Variants in RNF150 observed in about 807,000 individuals in gnomAD.
The protein encoded by RNF150 is ring finger protein 150.
Under a neutral mutation model 39.3 loss-of-function variants are expected in RNF150, and 24 were observed. The observed-to-expected ratio is 0.61, with a 90% CI of 0.44 to 0.86. RNF150 has a LOEUF of 0.86. Ranked by LOEUF, RNF150 falls within the 40% of genes least tolerant of loss-of-function variation. The pLI is 0.00. For missense variants in RNF150, 502 were observed against 587.8 expected (o/e 0.85, Z 1.51); for synonymous variants, 255 against 227.3 (o/e 1.12, Z -1.10).
intron 1 of RNF150, among the ~76,000 whole-genome samples, chr4:141,158,717 T>C (rs1727459362): frequency 6.6e-6 from 1 of 152,166 alleles, no homozygotes. Context: ...ATAAGGTTCT[T>C]TCCTCAAAGT....
chr4:141,064,732 G>A (rs1157241678), intron 1 of RNF150, among the ~76,000 whole-genome samples: 1 of 152,188 alleles, frequency 6.6e-6, no homozygotes, highest in Non-Finnish European at 1.5e-5. Context: ...GCAGAAAAGG[G>A]AGGGGAGTAG....
chr4:141,109,526 A>G (rs913074583), intron 1 of RNF150, among the ~76,000 whole-genome samples: 1 of 152,108 alleles, frequency 6.6e-6, no homozygotes, highest in Admixed American at 6.6e-5. Flanking sequence ...ATCAGAGAAC[A>G]AATAAGGAAA....
At chr4:141,164,585 A>G (rs1441103881) in intron 1 of RNF150, among the ~76,000 whole-genome samples, 3 of 152,226 alleles carry the variant, frequency 2.0e-5, no homozygotes, top group African/African-American at 4.8e-5. Context: ...AAGGAAGCCC[A>G]TCAGACTAGC....
chr4:140,891,878 T>A (rs187984496), intron 6 of RNF150, among the ~76,000 whole-genome samples: 122 of 152,230 alleles, frequency 8.0e-4, no homozygotes, highest in Non-Finnish European at 1.2e-3. Context: ...GAACTGTGCA[T>A]ATGAGGGATC....
At chr4:140,874,999 A>G (rs1037241488) in intron 6 of RNF150, among the ~76,000 whole-genome samples, 1 of 152,130 alleles carries the variant, frequency 6.6e-6, no homozygotes, top group Non-Finnish European at 1.5e-5. Flanking sequence ...AATATTCTTA[A>G]TTAACTATGA....
chr4:141,099,956 C>A (rs1238686540), intron 1 of RNF150, among the ~76,000 whole-genome samples: 1 of 152,052 alleles, frequency 6.6e-6, no homozygotes, highest in Admixed American at 6.6e-5. Context: ...TGTGTGTGTA[C>A]CTGTCTCTGA....
intron 1 of RNF150, among the ~76,000 whole-genome samples, chr4:141,009,319 T>C (rs1734987357): frequency 6.6e-6 from 1 of 152,238 alleles, no homozygotes; most frequent in East Asian, 1.9e-4. Context: ...TATTCTCTTA[T>C]GCATAGAATA....
At chr4:141,088,747 A>G (rs1371486461) in intron 1 of RNF150, among the ~76,000 whole-genome samples, 47 of 151,928 alleles carry the variant, frequency 3.1e-4, no homozygotes, top group Admixed American at 3.0e-3. Flanking sequence ...AGGAAGGTAG[A>G]ACGGGGAGAA....
At chr4:141,156,753 A>AAAAC (rs1727408845) in intron 1 of RNF150, among the ~76,000 whole-genome samples, 1 of 151,224 alleles carries the variant, frequency 6.6e-6, no homozygotes, top group African/African-American at 2.4e-5. Flanking sequence ...AAAAAAAAAA[A>AAAAC]AAAATTAACC....
At chr4:140,916,369 A>T (rs1730829012) in intron 5 of RNF150, among the ~76,000 whole-genome samples, 1 of 152,238 alleles carries the variant, frequency 6.6e-6, no homozygotes, top group South Asian at 2.1e-4. Flanking sequence ...TGGAGCTGAA[A>T]ACCAAGGCAC....
At chr4:140,946,338 G>T (rs998993899) in intron 4 of RNF150, among the ~76,000 whole-genome samples, 4 of 152,122 alleles carry the variant, frequency 2.6e-5, no homozygotes, top group Non-Finnish European at 2.9e-5. Flanking sequence ...GGATTATTAA[G>T]CCATTCCTCT....
upstream of RNF150, among the ~76,000 whole-genome samples, chr4:141,137,879 G>C (rs1727050962): frequency 1.3e-5 from 2 of 152,120 alleles, 1 homozygote; most frequent in South Asian, 4.1e-4. Context: ...TTCTCCACCA[G>C]CCAGGCAGCC....
intron 1 of RNF150, among the ~76,000 whole-genome samples, chr4:141,097,918 T>C (rs1042768642): frequency 7.9e-5 from 12 of 152,154 alleles, no homozygotes; most frequent in African/African-American, 2.7e-4. Flanking sequence ...TCCTTGAGAT[T>C]TGAGACAAAT....
intron 5 of RNF150, among the ~76,000 whole-genome samples, chr4:140,918,611 G>C (rs1336871607): frequency 6.6e-6 from 1 of 151,898 alleles, no homozygotes; most frequent in Non-Finnish European, 1.5e-5. Flanking sequence ...GAGGTACAAG[G>C]AGGAGCTGGT....
intron 1 of RNF150, among the ~76,000 whole-genome samples, chr4:141,021,894 G>A (rs1354584207): frequency 3.3e-5 from 5 of 152,180 alleles, no homozygotes; most frequent in Non-Finnish European, 7.3e-5. Context: ...AACTTTTGTG[G>A]CAGTGTGCAG....
chr4:141,041,746 A>G (rs1007328548), intron 1 of RNF150, among the ~76,000 whole-genome samples: 8 of 152,110 alleles, frequency 5.3e-5, no homozygotes, highest in Non-Finnish European at 5.9e-5. Flanking sequence ...AATGTAAGAA[A>G]ATGTAAAATA....
intron 4 of RNF150, among the ~76,000 whole-genome samples, chr4:140,933,748 T>G (rs1731735674): frequency 6.6e-6 from 1 of 152,206 alleles, no homozygotes. Flanking sequence ...ATGGTGAACT[T>G]CACATCATTA....
intron 1 of RNF150, among the ~76,000 whole-genome samples, chr4:141,030,697 T>C (rs2110823291): frequency 6.6e-6 from 1 of 152,214 alleles, no homozygotes. Context: ...TTATACTAAA[T>C]AAGATAGTCA....
chr4:141,069,880 T>G lies in RNF150; in HGVS notation c.484+62445A>C, dbSNP rs1372723984. ...TTTGTAGTATTCTCTGATGGTAGTT[T>G]GTATTTGTGGGATCGGTGGTGATAT... On this transcript the variant is annotated intron_variant, in intron 1 of 6. Transcript: ENST00000515673. Among the ~76,000 whole-genome samples, 5 of 152,238 alleles carry G rather than the reference T, an allele frequency of 3.3e-5. 1 individual carries two copies. Among genetic ancestry groups the G allele is most frequent in the Admixed American group, 2.0e-4 (3 of 15,284 alleles).
Sources: gnomAD v4.1 joint callset for allele counts (sites outside exome capture counted in the v4.1 genomes callset) on GRCh38, gnomAD v4.1.1 for gene constraint, MANE v1.5 for transcripts, NCBI Gene and HGNC (gene_info 2026-07-23, HGNC 2026-07-21) for gene names.